Variants in RFX3 observed in about 807,000 individuals in gnomAD.
The protein encoded by RFX3 is regulatory factor X3, also known as transcription factor RFX3.
A neutral mutation model predicts 98.6 loss-of-function variants in RFX3; 14 were observed. That is an observed-to-expected ratio of 0.14 (90% CI 0.09 to 0.22). The LOEUF is 0.22. Ranked by LOEUF, RFX3 falls within the 10% of genes least tolerant of loss-of-function variation. The probability of loss-of-function intolerance (pLI) is 1.00; values close to 1 mark genes in which losing one functional copy is unlikely to be tolerated. For missense variants in RFX3, 639 were observed against 926.9 expected, an observed-to-expected ratio of 0.69 and a Z score of 4.03; for synonymous variants, 383 against 328.4, an observed-to-expected ratio of 1.17 and a Z score of -1.80.
intron 1 of RFX3, among the ~76,000 whole-genome samples, chr9:3,476,263 T>A (rs1477617014): frequency 6.6e-6 from 1 of 151,874 alleles, no homozygotes; most frequent in African/African-American, 2.4e-5. Flanking sequence ...TTTATGTTCT[T>A]TATTACACTG....
At chr9:3,287,729 G>T (rs1826814129) in intron 7 of RFX3, among the ~76,000 whole-genome samples, 1 of 152,012 alleles carries the variant, frequency 6.6e-6, no homozygotes, top group South Asian at 2.1e-4. Flanking sequence ...GCAAATGTAA[G>T]GCATCCCAAA....
At chr9:3,378,615 G>T (rs975547751) in intron 2 of RFX3, among the ~76,000 whole-genome samples, 1 of 137,452 alleles carries the variant, frequency 7.3e-6, no homozygotes, top group African/African-American at 2.8e-5. Context: ...AGAGTGCAAT[G>T]GTGCAATCTT....
intron 14 of RFX3, among the ~76,000 whole-genome samples, chr9:3,252,625 G>C (rs1821570008): frequency 1.3e-5 from 2 of 152,184 alleles, no homozygotes; most frequent in Non-Finnish European, 2.9e-5. Flanking sequence ...TGAGCAAAGA[G>C]AAGAATACCT....
chr9:3,520,069 C>T (rs183810326), intron 1 of RFX3, among the ~76,000 whole-genome samples: 2 of 152,268 alleles, frequency 1.3e-5, no homozygotes, highest in Admixed American at 6.5e-5. Context: ...ATGACTATGC[C>T]ACTGCACTCC....
chr9:3,220,085 A>C lies in RFX3; in HGVS notation c.*4957T>G, dbSNP rs1817261509. The C allele has an allele frequency of 6.6e-6, 1 of 152,224 alleles. No individual in the cohort carries two copies. The highest frequency in any genetic ancestry group is 1.5e-5 in the Non-Finnish European group (1 of 68,052). 9.4% of individuals were successfully genotyped at this position (152,224 alleles called of 1,614,324 possible). A position where few individuals can be genotyped will look rare whatever the true frequency, so the allele number is the denominator to read the frequency against. On this transcript the variant is annotated 3_prime_UTR_variant, in exon 17 of 17. Coordinates refer to ENST00000617270, the MANE Select transcript of RFX3 (RefSeq NM_001282116.2). The stretch of plus-strand genomic sequence containing the variant: ...TCTCCTGACAGATGAGCTTAAAATC[A>C]AGTGCTTTGCTCTCCATTCTATCTA...
At position 3,227,382 on chromosome 9, in the gene RFX3, T is replaced by C. The variant is rs556226660; in HGVS notation, c.2011+1465A>G. On this transcript the variant is annotated intron_variant, in intron 16 of 16. Transcript: ENST00000617270. ...TTTGGAGAACTTACAAAGCAACTTA[T>C]AAAAGCAAGCCCATTCTCCAGGTCC... Among the ~76,000 whole-genome samples, 26 of 152,322 alleles carry C rather than the reference T, an allele frequency of 1.7e-4. No homozygotes were observed. The South Asian group carries it at 3.1e-3, about 18-fold the overall frequency.
At chr9:3,381,341 TA>T (rs1194825946) in intron 2 of RFX3, among the ~76,000 whole-genome samples, 2 of 151,988 alleles carry the variant, frequency 1.3e-5, no homozygotes, top group African/African-American at 4.8e-5. Flanking sequence ...AAAAAATCAA[TA>T]AAAAGATTAT....
chr9:3,495,717 G>C (rs1851062887), intron 1 of RFX3, among the ~76,000 whole-genome samples: 2 of 152,006 alleles, frequency 1.3e-5, no homozygotes, highest in African/African-American at 4.8e-5. Flanking sequence ...GCAATGTTAA[G>C]CATGTTCTGT....
intron 7 of RFX3, among the ~76,000 whole-genome samples, chr9:3,281,086 T>A (rs966595430): frequency 1.3e-5 from 2 of 151,746 alleles, no homozygotes; most frequent in Admixed American, 6.6e-5. Flanking sequence ...GAGCACATAC[T>A]GTATTATGGG....
intron 1 of RFX3, among the ~76,000 whole-genome samples, chr9:3,481,899 T>G (rs987615114): frequency 1.3e-5 from 2 of 152,116 alleles, no homozygotes; most frequent in African/African-American, 4.8e-5. Flanking sequence ...TTATATCCAG[T>G]GTCAGAGTAA....
At position 3,224,949 on chromosome 9, in the gene RFX3, GA is replaced by G; in HGVS notation, c.*92del. ...TTAATGTTCAGCACAGATAGAATTT[GA>G]CAACAGTCGACCTTCAGGCTTATTA... On this transcript the variant is annotated 3_prime_UTR_variant, in exon 17 of 17. Coordinates refer to ENST00000617270, the MANE Select transcript of RFX3 (RefSeq NM_001282116.2). 2.4e-6 allele frequency: 3 copies of G among 1,241,500 alleles called. No homozygotes were observed. The highest frequency in any genetic ancestry group is 2.3e-6 in the Non-Finnish European group (2 of 870,484). The allele number at this position is 1,241,500 out of a possible 1,614,324, so 76.9% of individuals were successfully genotyped here. A position where few individuals can be genotyped will look rare whatever the true frequency, so the allele number is the denominator to read the frequency against.
chr9:3,342,820 T>G (rs1223340759), intron 3 of RFX3, among the ~76,000 whole-genome samples: 2 of 152,196 alleles, frequency 1.3e-5, no homozygotes, highest in East Asian at 3.8e-4. Context: ...AAGATGATGA[T>G]CAAGCCTTTG....
intron 1 of RFX3, among the ~76,000 whole-genome samples, chr9:3,513,794 A>G (rs924741040): frequency 2.0e-5 from 3 of 152,190 alleles, no homozygotes; most frequent in Non-Finnish European, 2.9e-5. Flanking sequence ...CAAAATATTA[A>G]AATAAATCTC....
chr9:3,266,258 A>G lies in RFX3; in HGVS notation c.1405T>C (p.Trp469Arg). 2 of 1,611,820 alleles carry G rather than the reference A, an allele frequency of 1.2e-6. No homozygotes were observed. Among genetic ancestry groups the G allele is most frequent in the Non-Finnish European group, 1.7e-6 (2 of 1,178,506 alleles). ...ATATTGTTCATGGCATTGGAAAGCC[A>G]ACCTTCAAGGCTTTTTGCAAAATTT... Reference protein sequence around the residue: ...IRNFAKSLEGWLSNAMNNIPQ... With the variant: ...IRNFAKSLEGRLSNAMNNIPQ... The change falls in exon 12 of 17, where the codon TGG becomes CGG. Residue 469 changes from tryptophan (W) to arginine (R), a missense_variant. This residue lies in a region of RFX3 where 138 missense variants were observed against 308.9 expected (regional missense o/e 0.45). Transcript: ENST00000617270.
In RFX3 at chr9:3,351,446, G is replaced by A. The variant is rs537896690; in HGVS notation, c.118-4682C>T. Among the ~76,000 whole-genome samples the A allele has an allele frequency of 4.6e-5, 7 of 151,960 alleles. 1 individual carries two copies. Among genetic ancestry groups the A allele is most frequent in the African/African-American group, 1.4e-4 (6 of 41,498 alleles). ...CCCTAGAAACATTCAAGAGCCAGAT[G>A]CCATAAGAGCAAGTCAGATTTGAAC... On this transcript the variant is annotated intron_variant, in intron 2 of 16. Coordinates refer to ENST00000617270, the MANE Select transcript of RFX3 (RefSeq NM_001282116.2).
intron 1 of RFX3, among the ~76,000 whole-genome samples, chr9:3,465,590 C>T (rs539131199): frequency 1.3e-5 from 2 of 151,990 alleles, no homozygotes; most frequent in Admixed American, 1.3e-4. Context: ...AAGCGTGAGC[C>T]GCTGCACTTG....
rs920410263 is a variant in RFX3 at position 3,277,635 on chromosome 9, T to C, written c.852-174A>G. Among the ~76,000 whole-genome samples the C allele has an allele frequency of 2.6e-5, 4 of 151,874 alleles. 1 individual carries two copies. Among genetic ancestry groups the C allele is most frequent in the Admixed American group, 1.3e-4 (2 of 15,186 alleles). Reference sequence around the variant, plus strand: ...AGTTAGAAGGCAATATTTTTTTCAATTGTGAAAAGAAAAAAGGGGAGAAGG... The same window carrying C: ...AGTTAGAAGGCAATATTTTTTTCAACTGTGAAAAGAAAAAAGGGGAGAAGG... On this transcript the variant is annotated intron_variant, in intron 7 of 16. Transcript: ENST00000617270.
At chr9:3,445,464 G>A in intron 1 of RFX3, among the ~76,000 whole-genome samples, 1 of 151,992 alleles carries the variant, frequency 6.6e-6, no homozygotes, top group Non-Finnish European at 1.5e-5. Context: ...TGAAGTTAAG[G>A]GGATCTGCAG....
chr9:3,314,691 A>G (rs1246723375), intron 4 of RFX3, among the ~76,000 whole-genome samples: 1 of 151,952 alleles, frequency 6.6e-6, no homozygotes, highest in Non-Finnish European at 1.5e-5. Context: ...TACCAAGCAA[A>G]TGGAAAACAA....
Sources: allele counts gnomAD v4.1 joint callset (sites outside exome capture counted in the v4.1 genomes callset), GRCh38; gene constraint gnomAD v4.1.1; regional missense constraint gnomAD v4.1.1; transcripts MANE v1.5; gene names NCBI Gene and HGNC (gene_info 2026-07-23, HGNC 2026-07-21).